NPIPB15: variants seen among roughly 807,000 people sequenced by gnomAD.
NPIPB15 encodes nuclear pore complex-interacting protein family member B15.
A neutral mutation model predicts 35.9 loss-of-function variants in NPIPB15; 5 were observed. The observed-to-expected ratio is 0.14, with a 90% CI of 0.07 to 0.29. The LOEUF is 0.29. Ranked by LOEUF, NPIPB15 falls within the 10% of genes least tolerant of loss-of-function variation. The pLI, the probability that NPIPB15 is intolerant of heterozygous loss-of-function variation, is 1.00. For missense variants in NPIPB15, 100 were observed against 506.1 expected (o/e 0.20, Z 7.70); for synonymous variants, 43 against 182.0 (o/e 0.24, Z 6.15).
intron 5 of NPIPB15, among the ~76,000 whole-genome samples, chr16:74,386,497 C>T: frequency 8.1e-6 from 1 of 123,746 alleles, no homozygotes; most frequent in East Asian, 2.8e-4. Flanking sequence ...CTCACTCTGT[C>T]ACCCAGGCTA....
chr16:74,382,903 A>C lies in NPIPB15; in HGVS notation c.249+1205A>C, dbSNP rs1270771240. On this transcript the variant is annotated intron_variant, in intron 3 of 7. Coordinates refer to ENST00000692376, the MANE Select transcript of NPIPB15 (RefSeq NM_001306094.2). ...GAGAATTTTTGGTATAAATTGGAGG[A>C]AGCTTTTTTTTTTTTTTTTTTTTTC... 4.8e-4 allele frequency among the ~76,000 whole-genome samples: 69 copies of C among 144,540 alleles called. No individual in the cohort carries two copies. In the East Asian group the frequency reaches 0.014, roughly 29 times the overall value. 94.8% of individuals were successfully genotyped at this position (144,540 alleles called of 152,430 possible).
intron 3 of NPIPB15, among the ~76,000 whole-genome samples, chr16:74,384,668 A>ATTTTTTTTTTT (rs1186582416): frequency 4.9e-5 from 3 of 61,552 alleles, no homozygotes; most frequent in African/African-American, 1.3e-4. Flanking sequence ...CACCTGGCCT[A>ATTTTTTTTTTT]TTTTTTTTTT....
intron 5 of NPIPB15, 122 bp from the exon 6 acceptor site, chr16:74,389,703 G>T (rs76587585): frequency 3.4e-6 from 2 of 580,266 alleles, no homozygotes; most frequent in African/African-American, 2.2e-5. Flanking sequence ...TCTGAAATAC[G>T]TTTTCTAGGT....
chr16:74,391,062 C>T, intron 7 of NPIPB15: 2 of 914,126 alleles, frequency 2.2e-6, no homozygotes, highest in Non-Finnish European at 1.3e-6. Flanking sequence ...TAGACATAGA[C>T]ACTCCTGTGT....
In NPIPB15 at chr16:74,376,455, C is replaced by A; in HGVS notation, c.-914C>A. On this transcript the variant is annotated 5_prime_UTR_variant, in exon 1 of 8. Transcript: ENST00000692376. ...GGTCCTGCCCACCTGCTTGGAGCTC[C>A]CCACCCATCACACATGATGCTGCCA... Among the ~76,000 whole-genome samples, 2 of 150,018 alleles carry A rather than the reference C, an allele frequency of 1.3e-5. No homozygotes were observed. Among genetic ancestry groups the A allele is most frequent in the Non-Finnish European group, 3.0e-5 (2 of 67,638 alleles).
At chr16:74,386,532 C>T (rs2012292424) in intron 5 of NPIPB15, among the ~76,000 whole-genome samples, 1 of 128,340 alleles carries the variant, frequency 7.8e-6, no homozygotes, top group East Asian at 2.7e-4. Context: ...GATCTTGGCT[C>T]ACTGCAACCT....
rs2011669829 is a variant in NPIPB15 at position 74,376,444 on chromosome 16, G to T, written c.-925G>T. Among the ~76,000 whole-genome samples the T allele has an allele frequency of 1.3e-5, 2 of 150,648 alleles. No homozygotes were observed. The highest frequency in any genetic ancestry group is 4.0e-4 in the East Asian group (2 of 5,024). ...CCAGACCCCTGGGTCCTGCCCACCT[G>T]CTTGGAGCTCCCCACCCATCACACA... On this transcript the variant is annotated 5_prime_UTR_variant, in exon 1 of 8. Transcript: ENST00000692376.
rs1392973137 is a variant in NPIPB15, at chr16:74,383,471, GA to G, written c.249+1776del. ...AAACTGGGCCAGCTACCTTTCCTAT[GA>G]AATCTAGTAGTAGCTGTGGGATTGA... On this transcript the variant is annotated intron_variant, in intron 3 of 7. Transcript: ENST00000692376. Among the ~76,000 whole-genome samples, 7 of 151,094 alleles carry G rather than the reference GA, an allele frequency of 4.6e-5. 1 individual carries two copies. The East Asian group carries it at 1.4e-3, about 30-fold the overall frequency.
chr16:74,391,655 C>T lies in NPIPB15; in HGVS notation c.907C>T (p.Leu303=), dbSNP rs2868590. 5.0e-6 allele frequency: 8 copies of T among 1,598,292 alleles called. No individual in the cohort carries two copies. Among genetic ancestry groups the T allele is most frequent in the South Asian group, 2.3e-5 (2 of 86,820 alleles). Residue 303 remains leucine (L), a synonymous_variant, in exon 8 of 8, where the codon CTG becomes TTG. Transcript: ENST00000692376. ...SVDDNLKEYL[L]VPLPPSPLPP... is the part of the protein sequence containing the mutation. ...GGATGATAATCTGAAGGAGTATCTC[C>T]TGGTCCCTCTTCCACCCTCTCCTCT...
chr16:74,378,952 C>T, intron 2 of NPIPB15, among the ~76,000 whole-genome samples: 1 of 151,966 alleles, frequency 6.6e-6, no homozygotes, highest in African/African-American at 2.4e-5. Flanking sequence ...AGACATGTGC[C>T]ACCACTCCCA....
At chr16:74,379,978 G>A (rs953769742) in intron 2 of NPIPB15, among the ~76,000 whole-genome samples, 12 of 144,078 alleles carry the variant, frequency 8.3e-5, no homozygotes, top group African/African-American at 3.1e-4. Context: ...TTTTACTTAT[G>A]CTGAGCTTTA....
chr16:74,388,547 G>GGGA (rs1188893013), intron 5 of NPIPB15: 1 of 943,150 alleles, frequency 1.1e-6, no homozygotes, highest in African/African-American at 1.9e-5. Flanking sequence ...GTCCCTCAAT[G>GGGA]GGAGGTGTCC....
At chr16:74,384,979 C>T in intron 3 of NPIPB15, among the ~76,000 whole-genome samples, 1 of 134,596 alleles carries the variant, frequency 7.4e-6, no homozygotes, top group Non-Finnish European at 1.6e-5. Flanking sequence ...CCGTGCCAGC[C>T]TCATGTCATT....
chr16:74,377,859 C>T (rs2011754018), intron 1 of NPIPB15, 93 bp from the exon 2 acceptor site: 1 of 148,284 alleles, frequency 6.7e-6, no homozygotes, highest in African/African-American at 3.7e-5. Context: ...TCCCCCTCCC[C>T]TCCCCCTCCC....
intron 7 of NPIPB15, 182 bp from the exon 8 acceptor site, chr16:74,391,209 G>A: frequency 1.0e-6 from 1 of 985,442 alleles, no homozygotes; most frequent in Non-Finnish European, 1.2e-6. Flanking sequence ...TTACTCCCCA[G>A]CTGTCGGCAG....
Position 74,391,685 on chromosome 16 carries a change from C to A in NPIPB15, c.937C>A (p.Pro313Thr). ...LVPLPPSPLPPSVDDNLKDCL... is the reference protein window; with the variant it reads ...LVPLPPSPLPTSVDDNLKDCL... ...CCCTCTTCCACCCTCTCCTCTTCCA[C>A]CCTCAGTGGATGATAATCTGAAGGA... Residue 313 changes from proline (P) to threonine (T), a missense_variant, in exon 8 of 8, where the codon CCC becomes ACC. Transcript: ENST00000692376. The A allele has an allele frequency of 6.3e-7, 1 of 1,583,716 alleles. No individual in the cohort carries two copies. Among genetic ancestry groups the A allele is most frequent in the Non-Finnish European group, 8.6e-7 (1 of 1,168,090 alleles).
intron 3 of NPIPB15, among the ~76,000 whole-genome samples, chr16:74,384,767 T>C (rs2012175817): frequency 6.9e-6 from 1 of 145,532 alleles, no homozygotes; most frequent in Non-Finnish European, 1.5e-5. Context: ...CCACAACCTT[T>C]TCCTGCTGGG....
chr16:74,376,813 G>C lies in NPIPB15; in HGVS notation c.-556G>C, dbSNP rs2011683837. Among the ~76,000 whole-genome samples the C allele has an allele frequency of 6.7e-6, 1 of 148,736 alleles. No homozygotes were observed. Among genetic ancestry groups the C allele is most frequent in the Admixed American group, 7.1e-5 (1 of 14,090 alleles). On this transcript the variant is annotated 5_prime_UTR_variant, in exon 1 of 8. Transcript: ENST00000692376. Reference sequence around the variant, plus strand: ...TATGATCTCATCATTGAGTTGAAAGGCAATCTTGTTTCATTTTGGATTCTT... The same window carrying C: ...TATGATCTCATCATTGAGTTGAAAGCCAATCTTGTTTCATTTTGGATTCTT...
At position 74,377,027 on chromosome 16, in the gene NPIPB15, C is replaced by T. The variant is rs375762601; in HGVS notation, c.-342C>T. Among the ~76,000 whole-genome samples the T allele has an allele frequency of 4.8e-5, 7 of 144,598 alleles. No individual in the cohort carries two copies. The highest frequency in any genetic ancestry group is 1.8e-4 in the African/African-American group (7 of 38,842). The allele number at this position is 144,598 out of a possible 152,430, so 94.9% of individuals were successfully genotyped here. ...GGTTAATTTTTGTAAATGTACCATGCATGCTTAAAATGAATGTATCTACAT... is the reference window on the plus strand; with the variant it reads ...GGTTAATTTTTGTAAATGTACCATGTATGCTTAAAATGAATGTATCTACAT... On this transcript the variant is annotated 5_prime_UTR_variant, in exon 1 of 8. Coordinates refer to ENST00000692376, the MANE Select transcript of NPIPB15 (RefSeq NM_001306094.2).
Sources: gnomAD v4.1 joint callset for allele counts (sites outside exome capture counted in the v4.1 genomes callset) on GRCh38, gnomAD v4.1.1 for gene constraint, MANE v1.5 for transcripts, NCBI Gene and HGNC (gene_info 2026-07-23, HGNC 2026-07-21) for gene names.